Variants in DRGX observed in about 807,000 individuals in gnomAD.
The protein encoded by DRGX is dorsal root ganglia homeobox.
DRGX carries 21 observed loss-of-function variants against 28.6 expected under a neutral mutation model. That is an observed-to-expected ratio of 0.73 (90% CI 0.52 to 1.06). The LOEUF is 1.06. Among genes scored for constraint, DRGX ranks in the 50% least tolerant of loss-of-function variants. The pLI, the probability that DRGX is intolerant of heterozygous loss-of-function variation, is 0.00. For missense variants in DRGX, 354 were observed against 343.9 expected (o/e 1.03, Z -0.23); for synonymous variants, 136 against 139.1 (o/e 0.98, Z 0.16).
intron 4 of DRGX, among the ~76,000 whole-genome samples, chr10:49,388,333 C>A (rs1849862376): frequency 6.6e-6 from 1 of 152,192 alleles, no homozygotes; most frequent in Non-Finnish European, 1.5e-5. Context: ...CCCTTCAATT[C>A]CCCAGGGCAT....
Position 49,366,192 on chromosome 10 carries a change from T to G in DRGX, c.716A>C (p.Lys239Thr), listed in dbSNP as rs1849597670. Residue 239 changes from lysine to threonine, a missense_variant, in exon 7 of 7, where the codon AAG becomes ACG. By Grantham distance (78) the Lys-to-Thr change is moderately conservative (BLOSUM62 -1). Coordinates refer to ENST00000374139, the MANE Select transcript of DRGX (RefSeq NM_001276451.2). ...STSSSPGPVAKPAPPDGSQEK... is the reference protein window; with the variant it reads ...STSSSPGPVATPAPPDGSQEK... ...CTGGCTGCCATCTGGGGGCGCCGGC[T>G]TGGCGACAGGGCCGGGGCTGCTGCT... 1 of 1,613,420 alleles carries G rather than the reference T, an allele frequency of 6.2e-7. No individual in the cohort carries two copies. The highest frequency in any genetic ancestry group is 1.7e-5 in the Admixed American group (1 of 59,986).
At chr10:49,394,276 G>A (rs1176352582) in intron 2 of DRGX, among the ~76,000 whole-genome samples, 2 of 152,160 alleles carry the variant, frequency 1.3e-5, no homozygotes, top group Non-Finnish European at 2.9e-5. Context: ...GAGCTTTTAT[G>A]AGAAAAACAA....
At chr10:49,372,372 A>G (rs1479679478) in intron 6 of DRGX, among the ~76,000 whole-genome samples, 1 of 152,072 alleles carries the variant, frequency 6.6e-6, no homozygotes, top group East Asian at 1.9e-4. Flanking sequence ...AAGGTGATCA[A>G]AAGAAGAAGG....
chr10:49,395,447 C>T lies in DRGX; in HGVS notation c.-7G>A, dbSNP rs1017287971. 18 of 1,550,120 alleles carry T rather than the reference C, an allele frequency of 1.2e-5. No individual in the cohort carries two copies. The highest frequency in any genetic ancestry group is 1.6e-5 in the Non-Finnish European group (18 of 1,146,912). On this transcript the variant is annotated 5_prime_UTR_variant, in exon 2 of 7. Coordinates refer to ENST00000374139, the MANE Select transcript of DRGX (RefSeq NM_001276451.2). ...GGCAGTGGAAATAAAACATCGCCGG[C>T]TGTCAGATCGGCTGGACGGCCGAGA...
chr10:49,387,472 A>G (rs1001303735), intron 4 of DRGX, among the ~76,000 whole-genome samples: 36 of 152,126 alleles, frequency 2.4e-4, no homozygotes, highest in African/African-American at 8.5e-4. Context: ...CAGCCTGGCC[A>G]ACATGATGAA....
At chr10:49,390,097 A>C (rs1849884656) in intron 4 of DRGX, 36 bp downstream of exon 4, 1 of 1,555,144 alleles carries the variant, frequency 6.4e-7, no homozygotes, top group African/African-American at 1.4e-5. Context: ...GCCAGTTTTA[A>C]TATTAGAGAG....
intron 2 of DRGX, among the ~76,000 whole-genome samples, chr10:49,395,175 G>A (rs1196640161): frequency 6.6e-6 from 1 of 152,210 alleles, no homozygotes; most frequent in African/African-American, 2.4e-5. Context: ...CTAGCCCGGG[G>A]CGTCCTGGCC....
At chr10:49,373,567 G>A (rs1213009084) in intron 6 of DRGX, among the ~76,000 whole-genome samples, 2 of 152,088 alleles carry the variant, frequency 1.3e-5, no homozygotes, top group East Asian at 1.9e-4. Context: ...ATGTCCTTAC[G>A]TAAGAGACCC....
At chr10:49,393,571 T>C (rs1341570899) in intron 2 of DRGX, among the ~76,000 whole-genome samples, 2 of 152,146 alleles carry the variant, frequency 1.3e-5, no homozygotes, top group African/African-American at 2.4e-5. Flanking sequence ...CCTATCTAGA[T>C]TAACAAAAAA....
intron 4 of DRGX, among the ~76,000 whole-genome samples, chr10:49,389,212 A>G (rs1849872269): frequency 6.6e-6 from 1 of 152,126 alleles, no homozygotes; most frequent in Non-Finnish European, 1.5e-5. Flanking sequence ...ATTATAGGGG[A>G]AATAATTTGT....
At position 49,366,314 on chromosome 10, in the gene DRGX, G is replaced by A. The variant is rs1391574857; in HGVS notation, c.594C>T (p.Cys198=). ...CCACGCTGGCCGTGCGGTTACTCTGGCAGCCATAGGTGGGAAGGAAGGAGA... is the reference window on the plus strand; with the variant it reads ...CCACGCTGGCCGTGCGGTTACTCTGACAGCCATAGGTGGGAAGGAAGGAGA... ...MGLSFLPTYG[C]QSNRTASVAT... The change falls in exon 7 of 7, where the codon TGC becomes TGT. Residue 198 remains cysteine (C), a synonymous_variant. Coordinates refer to ENST00000374139, the MANE Select transcript of DRGX (RefSeq NM_001276451.2). 1.9e-6 allele frequency: 3 copies of A among 1,613,974 alleles called. No individual in the cohort carries two copies. The highest frequency in any genetic ancestry group is 1.1e-5 in the South Asian group (1 of 91,084).
Position 49,366,168 on chromosome 10 carries a change from TG to T in DRGX, c.739del (p.Gln247ArgfsTer137). 2 of 1,612,196 alleles carry T rather than the reference TG, an allele frequency of 1.2e-6. No individual in the cohort carries two copies. Among genetic ancestry groups the T allele is most frequent in the Non-Finnish European group, 1.7e-6 (2 of 1,178,850 alleles). ...TTCCTTGGTGGGAGAGGTCTTTTCC[TG>T]GCTGCCATCTGGGGGCGCCGGCTTG... ...VAKPAPPDGS[Q>X]EKTSPTKEQS... On this transcript the variant is annotated frameshift_variant, in exon 7 of 7. Transcript: ENST00000374139. LOFTEE classifies it high-confidence loss of function.
intron 6 of DRGX, among the ~76,000 whole-genome samples, chr10:49,370,114 G>C (rs1849640387): frequency 6.6e-6 from 1 of 152,158 alleles, no homozygotes; most frequent in Non-Finnish European, 1.5e-5. Flanking sequence ...TGAGCAACAA[G>C]AGTCTTGGGG....
intron 6 of DRGX, among the ~76,000 whole-genome samples, chr10:49,378,978 A>C: frequency 6.6e-6 from 1 of 152,204 alleles, no homozygotes; most frequent in Non-Finnish European, 1.5e-5. Context: ...CCAAGTCCAA[A>C]ATTTGAAATG....
chr10:49,378,958 A>T (rs1849745505), intron 6 of DRGX, among the ~76,000 whole-genome samples: 3 of 152,214 alleles, frequency 2.0e-5, no homozygotes, highest in Admixed American at 2.0e-4. Context: ...AAGACTATAG[A>T]TTGAGCCTCC....
chr10:49,392,911 T>C (rs1320914686), intron 2 of DRGX, among the ~76,000 whole-genome samples: 1 of 152,012 alleles, frequency 6.6e-6, no homozygotes, highest in Non-Finnish European at 1.5e-5. Context: ...AAAAATGAGG[T>C]GCATAAAGAC....
In DRGX at chr10:49,395,474, C is replaced by G. The variant is rs1849957717; in HGVS notation, c.-34G>C. 6.5e-7 allele frequency: 1 copy of G among 1,549,346 alleles called. No homozygotes were observed. On this transcript the variant is annotated 5_prime_UTR_variant, in exon 2 of 7. Transcript: ENST00000374139. Reference sequence around the variant, plus strand: ...GTCAGATCGGCTGGACGGCCGAGACCTGGGAGGGTGGCAGCAGAACGGACC... The same window carrying G: ...GTCAGATCGGCTGGACGGCCGAGACGTGGGAGGGTGGCAGCAGAACGGACC...
chr10:49,381,249 C>T (rs576119456), intron 6 of DRGX, among the ~76,000 whole-genome samples: 2 of 152,340 alleles, frequency 1.3e-5, no homozygotes, highest in South Asian at 4.1e-4. Context: ...GGGGGCAGCC[C>T]GAGGGCCATC....
At chr10:49,373,805 T>C (rs1052828617) in intron 6 of DRGX, among the ~76,000 whole-genome samples, 11 of 152,112 alleles carry the variant, frequency 7.2e-5, no homozygotes. Flanking sequence ...TATCCACATA[T>C]ACTAAAACAC....
Sources: gnomAD v4.1 joint callset for allele counts (sites outside exome capture counted in the v4.1 genomes callset) on GRCh38, gnomAD v4.1.1 for gene constraint, MANE v1.5 for transcripts, NCBI Gene and HGNC (gene_info 2026-07-23, HGNC 2026-07-21) for gene names.